Variants in EFR3A observed in about 807,000 individuals in gnomAD.
The protein encoded by EFR3A is protein EFR3 homolog A.
A neutral mutation model predicts 104.4 loss-of-function variants in EFR3A; 76 were observed. The observed-to-expected ratio is 0.73, with a 90% CI of 0.60 to 0.88. EFR3A has a LOEUF of 0.88. Among genes scored for constraint, EFR3A ranks in the 40% least tolerant of loss-of-function variants. EFR3A has a pLI of 0.00. For missense variants in EFR3A, 985 were observed against 1,012.5 expected, an observed-to-expected ratio of 0.97 and a Z score of 0.37; for synonymous variants, 330 against 330.0, an observed-to-expected ratio of 1.00 and a Z score of 0.00.
chr8:131,945,769 C>T (rs1315925343), intron 3 of EFR3A, among the ~76,000 whole-genome samples: 3 of 152,032 alleles, frequency 2.0e-5, no homozygotes, highest in Admixed American at 1.3e-4. Context: ...TTATTTATCA[C>T]TTCTGTGTGT....
In EFR3A at chr8:131,946,540, A is replaced by G. The variant is rs572922896; in HGVS notation, c.273A>G (p.Gln91=). 4 of 1,608,190 alleles carry G rather than the reference A, an allele frequency of 2.5e-6. No homozygotes were observed. The South Asian group carries it at 3.3e-5, about 13-fold the overall frequency. The part of the protein sequence containing the change: ...LDQLLMACHS[Q]SIKPFVESFL... ...AACTTCTCATGGCTTGCCATTCTCAAAGCATTAAGCCATTTGTAGAAAGCT... is the reference window on the plus strand; with the variant it reads ...AACTTCTCATGGCTTGCCATTCTCAGAGCATTAAGCCATTTGTAGAAAGCT... The change falls in exon 4 of 23, where the codon CAA becomes CAG. Residue 91 remains glutamine (Q), a synonymous_variant. Coordinates refer to ENST00000254624, the MANE Select transcript of EFR3A (RefSeq NM_015137.6).
chr8:131,994,883 G>A (rs1197247196), intron 18 of EFR3A, among the ~76,000 whole-genome samples: 5 of 152,132 alleles, frequency 3.3e-5, no homozygotes, highest in Non-Finnish European at 7.4e-5. Context: ...AACCCTAATA[G>A]TACCTGGGAA....
At chr8:131,969,524 GT>G (rs112899303) in intron 9 of EFR3A, among the ~76,000 whole-genome samples, 129 of 135,342 alleles carry the variant, frequency 9.5e-4, no homozygotes, top group Admixed American at 1.8e-3. Context: ...ATTTGTGTGT[GT>G]TTTTTTTTTT....
intron 16 of EFR3A, 51 bp downstream of exon 16, chr8:131,985,111 AT>A: frequency 6.5e-7 from 1 of 1,526,972 alleles, no homozygotes; most frequent in Non-Finnish European, 9.0e-7. Flanking sequence ...AAAATTGCTA[AT>A]TTTATTCCAG....
intron 1 of EFR3A, among the ~76,000 whole-genome samples, chr8:131,932,854 C>G (rs184809330): frequency 1.3e-5 from 2 of 152,240 alleles, no homozygotes; most frequent in East Asian, 3.9e-4. Context: ...TAAATTCACT[C>G]TCAGTTCCAT....
chr8:131,999,139 A>C (rs1188070019), intron 19 of EFR3A, among the ~76,000 whole-genome samples: 1 of 152,142 alleles, frequency 6.6e-6, no homozygotes, highest in Non-Finnish European at 1.5e-5. Flanking sequence ...GGGCATGGGC[A>C]GGATGTTATA....
At chr8:131,968,176 T>A in intron 8 of EFR3A, 119 bp from the exon 9 acceptor site, 1 of 892,216 alleles carries the variant, frequency 1.1e-6, no homozygotes. Context: ...TATTGTCTCA[T>A]AACATGACCA....
chr8:131,940,765 C>T lies in EFR3A; in HGVS notation c.87+190C>T, dbSNP rs1238608532. On this transcript the variant is annotated intron_variant, in intron 2 of 22. Coordinates refer to ENST00000254624, the MANE Select transcript of EFR3A (RefSeq NM_015137.6). ...TGCTTGCTTGTCTAGTTTTCAGATCCTTTTAGTAGATTAGGCACAAATCTA... is the reference window on the plus strand; with the variant it reads ...TGCTTGCTTGTCTAGTTTTCAGATCTTTTTAGTAGATTAGGCACAAATCTA... 13 of 951,928 alleles carry T rather than the reference C, an allele frequency of 1.4e-5. No homozygotes were observed. In the East Asian group the frequency reaches 3.1e-4, roughly 23 times the overall value. 59.0% of individuals were successfully genotyped at this position (951,928 alleles called of 1,614,324 possible). A position where few individuals can be genotyped will look rare whatever the true frequency, so the allele number is the denominator to read the frequency against.
intron 19 of EFR3A, among the ~76,000 whole-genome samples, chr8:131,997,149 A>T (rs1231877610): frequency 1.3e-5 from 2 of 152,068 alleles, no homozygotes; most frequent in African/African-American, 4.8e-5. Flanking sequence ...TCTAGGACTT[A>T]TTCTACACAA....
chr8:131,909,772 G>A (rs1703631832), intron 1 of EFR3A, among the ~76,000 whole-genome samples: 1 of 152,138 alleles, frequency 6.6e-6, no homozygotes, highest in African/African-American at 2.4e-5. Context: ...TCTACGAACT[G>A]GAAGCCAGGA....
At position 131,970,559 on chromosome 8, in the gene EFR3A, G is replaced by T; in HGVS notation, c.1075G>T (p.Gly359Ter). 2 of 1,613,780 alleles carry T rather than the reference G, an allele frequency of 1.2e-6. No individual in the cohort carries two copies. The change falls in exon 10 of 23, where the codon GGA (glycine) becomes TGA (stop). Residue 359 changes from glycine (G) to a stop codon, truncating the protein, a stop_gained. Coordinates refer to ENST00000254624, the MANE Select transcript of EFR3A (RefSeq NM_015137.6). LOFTEE classifies it high-confidence loss of function. ...VEFEANDLQG[G>*]SVGSVNLNTS... Reference sequence around the variant, plus strand: ...ATTCGAAGCAAATGATTTACAGGGGGGATCTGTAGGCAGTGTCAACTTAAA... The same window carrying T: ...ATTCGAAGCAAATGATTTACAGGGGTGATCTGTAGGCAGTGTCAACTTAAA...
intron 4 of EFR3A, among the ~76,000 whole-genome samples, chr8:131,949,162 G>A (rs920768511): frequency 2.0e-5 from 3 of 151,764 alleles, no homozygotes; most frequent in South Asian, 2.1e-4. Flanking sequence ...ATACATAATG[G>A]TAATACATGT....
At chr8:131,965,728 T>C (rs1819674202) in intron 8 of EFR3A, among the ~76,000 whole-genome samples, 1 of 151,908 alleles carries the variant, frequency 6.6e-6, no homozygotes, top group Non-Finnish European at 1.5e-5. Context: ...CCCAAAGGAT[T>C]GTAAATCATG....
chr8:131,969,356 ACT>A (rs1563675740), intron 9 of EFR3A, among the ~76,000 whole-genome samples: 1 of 152,082 alleles, frequency 6.6e-6, no homozygotes. Context: ...AGAATACCTA[ACT>A]CTGCAGGTAC....
chr8:131,941,236 T>A (rs1166619372), intron 2 of EFR3A, among the ~76,000 whole-genome samples: 3 of 152,096 alleles, frequency 2.0e-5, no homozygotes, highest in African/African-American at 7.2e-5. Context: ...ATTATTTTAT[T>A]TGTGAAGATT....
At chr8:131,904,716 A>T (rs1816153634) in intron 1 of EFR3A, among the ~76,000 whole-genome samples, 1 of 152,150 alleles carries the variant, frequency 6.6e-6, no homozygotes, top group Admixed American at 6.5e-5. Context: ...GGACGTCGCT[A>T]GTGGACGCGC....
intron 21 of EFR3A, 83 bp downstream of exon 21, chr8:132,002,789 A>G (rs1036886636): frequency 8.8e-7 from 1 of 1,138,740 alleles, no homozygotes; most frequent in African/African-American, 1.6e-5. Flanking sequence ...GATAAGTTCC[A>G]AGCTTTAGTC....
intron 18 of EFR3A, among the ~76,000 whole-genome samples, chr8:131,993,338 C>T (rs983218871): frequency 1.3e-5 from 2 of 152,156 alleles, no homozygotes; most frequent in Non-Finnish European, 2.9e-5. Flanking sequence ...CTGTCTGGCA[C>T]ATTACTCATA....
chr8:131,979,076 T>C, intron 13 of EFR3A, 57 bp downstream of exon 13: 3 of 1,461,232 alleles, frequency 2.1e-6, no homozygotes, highest in South Asian at 1.4e-5. Flanking sequence ...GCTAAATTAG[T>C]GTATTTAAGT....
Sources: allele counts gnomAD v4.1 joint callset (sites outside exome capture counted in the v4.1 genomes callset), GRCh38; gene constraint gnomAD v4.1.1; transcripts MANE v1.5; gene names NCBI Gene and HGNC (gene_info 2026-07-23, HGNC 2026-07-21).